TBC1D4: variants seen among roughly 807,000 people sequenced by gnomAD.
TBC1D4 encodes the protein TBC (Tre-2, BUB2, CDC16) domain-containing protein.
A neutral mutation model predicts 142.5 loss-of-function variants in TBC1D4; 121 were observed. That is an observed-to-expected ratio of 0.85 (90% confidence interval 0.73 to 0.99). The LOEUF is 0.99. Among genes scored for constraint, TBC1D4 ranks in the 50% least tolerant of loss-of-function variants. TBC1D4 has a pLI of 0.00. For synonymous variants in TBC1D4, 630 were observed against 628.2 expected (o/e 1.00, Z -0.04); for missense variants, 1,475 against 1,606.6 (o/e 0.92, Z 1.40).
At chr13:75,386,451 T>C (rs1472825132) in intron 1 of TBC1D4, among the ~76,000 whole-genome samples, 4 of 150,694 alleles carry the variant, frequency 2.7e-5, no homozygotes, top group Admixed American at 6.6e-5. Context: ...TGCAGTGGTG[T>C]GATCTCGGCT....
chr13:75,383,763 C>A (rs997075763), intron 1 of TBC1D4, among the ~76,000 whole-genome samples: 8 of 152,126 alleles, frequency 5.3e-5, no homozygotes, highest in African/African-American at 1.9e-4. Flanking sequence ...TTCAGGCATC[C>A]ATGAGGGGTC....
chr13:75,428,036 T>C (rs1886449105), intron 1 of TBC1D4, among the ~76,000 whole-genome samples: 2 of 152,192 alleles, frequency 1.3e-5, no homozygotes, highest in Admixed American at 6.5e-5. Flanking sequence ...CAAGCAAGCA[T>C]GTGTACTTAA....
At chr13:75,373,639 T>C (rs1473993966) in intron 1 of TBC1D4, among the ~76,000 whole-genome samples, 2 of 152,146 alleles carry the variant, frequency 1.3e-5, no homozygotes, top group Non-Finnish European at 2.9e-5. Flanking sequence ...ATGCGGGTCC[T>C]CATGGAGCGT....
intron 1 of TBC1D4, among the ~76,000 whole-genome samples, chr13:75,437,417 T>C (rs999522307): frequency 3.3e-5 from 5 of 152,188 alleles, no homozygotes; most frequent in African/African-American, 1.2e-4. Flanking sequence ...AAAATGTTAA[T>C]GAATGTAACA....
chr13:75,475,603 T>C (rs752137621), intron 1 of TBC1D4, among the ~76,000 whole-genome samples: 33 of 152,252 alleles, frequency 2.2e-4, no homozygotes, highest in Non-Finnish European at 4.3e-4. Context: ...TTTTTCTGAC[T>C]TGATTCTTTT....
At chr13:75,480,094 C>T (rs1482240397) in intron 1 of TBC1D4, among the ~76,000 whole-genome samples, 9 of 151,562 alleles carry the variant, frequency 5.9e-5, no homozygotes, top group African/African-American at 1.9e-4. Context: ...CTATTATTTT[C>T]TTCAATTCAA....
At chr13:75,463,175 C>T (rs1463798245) in intron 1 of TBC1D4, among the ~76,000 whole-genome samples, 2 of 17,144 alleles carry the variant, frequency 1.2e-4, no homozygotes, top group Non-Finnish European at 2.7e-4. Flanking sequence ...TTCACTAACA[C>T]TATAGAAAAA....
Position 75,481,330 on chromosome 13 carries a change from C to A in TBC1D4, c.438G>T (p.Gln146His). 1 of 1,613,930 alleles carries A rather than the reference C, an allele frequency of 6.2e-7. No homozygotes were observed. The highest frequency in any genetic ancestry group is 8.5e-7 in the Non-Finnish European group (1 of 1,179,816). The change falls in exon 1 of 21, where the codon CAG becomes CAT. Residue 146 changes from glutamine (Q) to histidine (H), a missense_variant. Physicochemically the swap from Gln to His is conservative, Grantham distance 24. This residue lies in a region of TBC1D4 where 1,227 missense variants were observed against 1,267.7 expected (regional missense o/e 0.97). Coordinates refer to ENST00000377636, the MANE Select transcript of TBC1D4 (RefSeq NM_014832.5). ...CCATCTGCGACTCGGGGTCGTCGGGCTGCGCCTTGATCAGGTAGGCAAAGT... is the reference window on the plus strand; with the variant it reads ...CCATCTGCGACTCGGGGTCGTCGGGATGCGCCTTGATCAGGTAGGCAAAGT... ...LTYFAYLIKA[Q>H]PDDPESQMAC...
chr13:75,442,497 G>GT (rs1887085265), intron 1 of TBC1D4, among the ~76,000 whole-genome samples: 1 of 152,078 alleles, frequency 6.6e-6, no homozygotes, highest in Non-Finnish European at 1.5e-5. Context: ...TAACATTTAA[G>GT]TTTGAGTGTC....
At chr13:75,382,749 A>G (rs1448904698) in intron 1 of TBC1D4, among the ~76,000 whole-genome samples, 1 of 152,226 alleles carries the variant, frequency 6.6e-6, no homozygotes, top group Admixed American at 6.5e-5. Context: ...CTTGACATGT[A>G]AAATGCAGAG....
rs779424220 is a variant in TBC1D4 at position 75,302,324 on chromosome 13, T to G, written c.2830A>C (p.Lys944Gln). 4 of 1,614,226 alleles carry G rather than the reference T, an allele frequency of 2.5e-6. No homozygotes were observed. The Admixed American group carries it at 5.0e-5, about 20-fold the overall frequency. The change falls in exon 16 of 21, where the codon AAA (lysine) becomes CAA (glutamine). Residue 944 changes from lysine (K) to glutamine (Q), a missense_variant. Around this residue, in one of 2 missense-constraint regions of TBC1D4, gnomAD observed 1,227 missense variants for 1,267.7 expected, o/e 0.97. Coordinates refer to ENST00000377636, the MANE Select transcript of TBC1D4 (RefSeq NM_014832.5). ...QYRLRHRLPN[K>Q]QQPPDISYKE... is the part of the protein sequence containing the mutation. ...TAGGATATGTCAGGAGGCTGTTGTT[T>G]ATTAGGCAATCTGTGTCTGAGTCGG...
intron 16 of TBC1D4, 121 bp downstream of exon 16, chr13:75,302,122 C>A: frequency 8.2e-7 from 1 of 1,224,602 alleles, no homozygotes; most frequent in Non-Finnish European, 1.2e-6. Context: ...ACAAAGTCAA[C>A]GGCTCTGCAT....
At chr13:75,366,786 T>C in intron 1 of TBC1D4, 1 of 266,148 alleles carries the variant, frequency 3.8e-6, no homozygotes, top group South Asian at 1.4e-4. Flanking sequence ...CCCATTAACA[T>C]TTTATAAACT....
chr13:75,292,777 C>T (rs534736704), intron 18 of TBC1D4, among the ~76,000 whole-genome samples: 388 of 151,632 alleles, frequency 2.6e-3, no homozygotes, highest in Non-Finnish European at 4.8e-3. Context: ...AACATACAAC[C>T]TCAATCAGGA....
intron 11 of TBC1D4, among the ~76,000 whole-genome samples, chr13:75,320,344 T>G (rs138677273): frequency 1.3e-5 from 2 of 152,260 alleles, no homozygotes; most frequent in East Asian, 3.9e-4. Flanking sequence ...AGCAATGAAT[T>G]TCAACATAAA....
intron 3 of TBC1D4, among the ~76,000 whole-genome samples, chr13:75,357,260 G>A (rs1882126649): frequency 6.6e-6 from 1 of 152,134 alleles, no homozygotes; most frequent in South Asian, 2.1e-4. Context: ...ATAGAAAAAG[G>A]AAATCAATTC....
At chr13:75,422,120 A>G (rs1427824291) in intron 1 of TBC1D4, among the ~76,000 whole-genome samples, 1 of 152,202 alleles carries the variant, frequency 6.6e-6, no homozygotes, top group Non-Finnish European at 1.5e-5. Flanking sequence ...AATGTCACCT[A>G]TTGTGCTATA....
At position 75,417,692 on chromosome 13, in the gene TBC1D4, T is replaced by C. The variant is rs150041199; in HGVS notation, c.499-55085A>G. On this transcript the variant is annotated intron_variant, in intron 1 of 20. Transcript: ENST00000377636. The stretch of plus-strand genomic sequence containing the variant: ...GTGTGTTTTGTTTTGTTTTCAGACA[T>C]GAAGAATTAAGATATGGAAACCTAT... 4.2e-3 allele frequency among the ~76,000 whole-genome samples: 633 copies of C among 152,322 alleles called. 9 individuals carry two copies. The highest frequency in any genetic ancestry group is 0.015 in the African/African-American group (616 of 41,564).
In TBC1D4 at chr13:75,438,824, CATATG is replaced by C. The variant is rs537105596; in HGVS notation, c.498+42441_498+42445del. Reference sequence around the variant, plus strand: ...ATACGTATCTATGTAGTCAAAAGGGCATATGATATGAGATAAAAGTATGTCTTGTT... The same window carrying C: ...ATACGTATCTATGTAGTCAAAAGGGCATATGAGATAAAAGTATGTCTTGTT... On this transcript the variant is annotated intron_variant, in intron 1 of 20. Transcript: ENST00000377636. 7.9e-3 allele frequency among the ~76,000 whole-genome samples: 1,208 copies of C among 152,088 alleles called. 33 individuals are homozygous for C. The highest frequency in any genetic ancestry group is 6.6e-3 in the Non-Finnish European group (451 of 67,994).
Sources: gnomAD v4.1 joint callset for allele counts (sites outside exome capture counted in the v4.1 genomes callset) on GRCh38, gnomAD v4.1.1 for gene constraint, gnomAD v4.1.1 regional missense constraint, MANE v1.5 for transcripts, NCBI Gene and HGNC (gene_info 2026-07-23, HGNC 2026-07-21) for gene names.